The following CNTNAP2 variants were observed in gnomAD, a reference collection of about 807,000 sequenced individuals.
The protein encoded by CNTNAP2 is contactin associated protein 2.
In CNTNAP2, 98 loss-of-function variants were observed where a neutral mutation model predicts 155.2. The ratio of observed to expected loss-of-function variants is 0.63; its 90% CI spans 0.54 to 0.75. CNTNAP2 has a LOEUF of 0.75. Among genes scored for constraint, CNTNAP2 ranks in the 30% least tolerant of loss-of-function variants. CNTNAP2 has a pLI of 0.00. For missense variants in CNTNAP2, 1,727 were observed against 1,688.1 expected (o/e 1.02, Z -0.40); for synonymous variants, 651 against 631.2 (o/e 1.03, Z -0.47).
At chr7:147,904,186 G>C (rs77724319) in intron 14 of CNTNAP2, among the ~76,000 whole-genome samples, 1 of 152,096 alleles carries the variant, frequency 6.6e-6, no homozygotes, top group Non-Finnish European at 1.5e-5. Context: ...CAAAGAAACA[G>C]AAAAAATCAT....
In CNTNAP2 at chr7:148,200,641, A is replaced by T. The variant is rs554076505; in HGVS notation, c.3011-16647A>T. The stretch of plus-strand genomic sequence containing the variant: ...TACATAGGAATCATAGCCCTCTATG[A>T]TAACCTTCAAAATACACCTACGATG... On this transcript the variant is annotated intron_variant, in intron 18 of 23. Coordinates refer to ENST00000361727, the MANE Select transcript of CNTNAP2 (RefSeq NM_014141.6). Among the ~76,000 whole-genome samples, 56 of 152,320 alleles carry T rather than the reference A, an allele frequency of 3.7e-4. No individual in the cohort carries two copies. In the South Asian group the frequency reaches 0.011, roughly 30 times the overall value.
chr7:146,195,033 T>G (rs928228962), intron 1 of CNTNAP2: 1 of 152,248 alleles, frequency 6.6e-6, no homozygotes, highest in Non-Finnish European at 1.5e-5. Flanking sequence ...AACAAAATTA[T>G]GTAATTATTT....
chr7:146,821,820 A>T (rs6956849), intron 2 of CNTNAP2, among the ~76,000 whole-genome samples: 6 of 150,266 alleles, frequency 4.0e-5, no homozygotes. Context: ...AGTCAGGAAA[A>T]AACAGGTGCT....
intron 13 of CNTNAP2, among the ~76,000 whole-genome samples, chr7:147,776,127 G>A (rs2116546968): frequency 6.6e-6 from 1 of 152,192 alleles, no homozygotes; most frequent in South Asian, 2.1e-4. Flanking sequence ...AATATACAGA[G>A]GAAATCCTGT....
chr7:146,592,873 A>G (rs1476208598), intron 1 of CNTNAP2, among the ~76,000 whole-genome samples: 1 of 152,116 alleles, frequency 6.6e-6, no homozygotes, highest in Non-Finnish European at 1.5e-5. Flanking sequence ...CAGAACCGCT[A>G]CAGCTTGCAA....
At chr7:147,855,300 G>C (rs560139285) in intron 13 of CNTNAP2, among the ~76,000 whole-genome samples, 2 of 152,184 alleles carry the variant, frequency 1.3e-5, no homozygotes, top group South Asian at 4.2e-4. Context: ...TTGTGTCTCT[G>C]CATGACTTCT....
chr7:147,371,810 T>A (rs1017647298), intron 9 of CNTNAP2, among the ~76,000 whole-genome samples: 10 of 152,080 alleles, frequency 6.6e-5, no homozygotes, highest in Non-Finnish European at 1.2e-4. Flanking sequence ...TGTATGAGAG[T>A]GTGTGCATTT....
At chr7:147,251,961 T>A (rs115426276) in intron 8 of CNTNAP2, among the ~76,000 whole-genome samples, 2,172 of 151,968 alleles carry the variant, frequency 0.014, 54 homozygotes, top group African/African-American at 0.049. Context: ...GTTTGGGGAT[T>A]AATAAAAAAA....
intron 1 of CNTNAP2, among the ~76,000 whole-genome samples, chr7:146,502,650 C>G (rs1797322551): frequency 1.3e-5 from 2 of 152,070 alleles, no homozygotes; most frequent in African/African-American, 4.8e-5. Flanking sequence ...CCCTCTCTTT[C>G]ATCCAGGCTG....
chr7:146,173,138 A>T (rs184142200), intron 1 of CNTNAP2, among the ~76,000 whole-genome samples: 5 of 152,308 alleles, frequency 3.3e-5, no homozygotes, highest in African/African-American at 1.2e-4. Flanking sequence ...AGGATTTTTA[A>T]AAAAAACTGG....
chr7:148,217,549 T>C (rs754381958), intron 19 of CNTNAP2, 25 bp downstream of exon 19: 2 of 1,607,174 alleles, frequency 1.2e-6, no homozygotes, highest in Non-Finnish European at 1.7e-6. Flanking sequence ...ACCCAGCCTC[T>C]GCCATTTAAC....
chr7:146,862,307 G>T (rs1365856594), intron 3 of CNTNAP2, among the ~76,000 whole-genome samples: 1 of 152,024 alleles, frequency 6.6e-6, no homozygotes, highest in Non-Finnish European at 1.5e-5. Context: ...CATAAAAAGA[G>T]CTGTAGCATT....
intron 8 of CNTNAP2, among the ~76,000 whole-genome samples, chr7:147,148,821 T>C (rs771431976): frequency 6.6e-6 from 1 of 152,046 alleles, no homozygotes; most frequent in East Asian, 1.9e-4. Context: ...TTGCAGTGAG[T>C]GTTACAGCTC....
chr7:147,056,344 A>G (rs1000406501), intron 4 of CNTNAP2, among the ~76,000 whole-genome samples: 2 of 152,132 alleles, frequency 1.3e-5, no homozygotes, highest in Non-Finnish European at 2.9e-5. Flanking sequence ...GTAGCTTCCT[A>G]AACTTTGAAG....
intron 14 of CNTNAP2, among the ~76,000 whole-genome samples, chr7:147,947,834 A>C (rs1030881641): frequency 2.6e-5 from 4 of 152,156 alleles, no homozygotes; most frequent in African/African-American, 9.7e-5. Flanking sequence ...AGAACTCCTC[A>C]CAATGCAAAA....
intron 15 of CNTNAP2, among the ~76,000 whole-genome samples, chr7:148,080,477 C>T (rs891636164): frequency 2.6e-4 from 39 of 151,708 alleles, no homozygotes; most frequent in African/African-American, 8.0e-4. Flanking sequence ...GTGGTGGCGG[C>T]GCCTGTAGTC....
intron 13 of CNTNAP2, among the ~76,000 whole-genome samples, chr7:147,881,008 T>C (rs1799511161): frequency 6.6e-6 from 1 of 152,052 alleles, no homozygotes; most frequent in Non-Finnish European, 1.5e-5. Flanking sequence ...AACCCTACCA[T>C]AAGACCAGGA....
chr7:146,464,185 CTGT>C (rs375117086), intron 1 of CNTNAP2, among the ~76,000 whole-genome samples: 35,616 of 90,744 alleles, frequency 0.39, 4,380 homozygotes, highest in Admixed American at 0.54. Flanking sequence ...TCCTTTGAAA[CTGT>C]TTTTTTTTTT....
chr7:148,375,163 C>G (rs1334332652), intron 21 of CNTNAP2, among the ~76,000 whole-genome samples: 1 of 151,790 alleles, frequency 6.6e-6, no homozygotes, highest in Non-Finnish European at 1.5e-5. Flanking sequence ...TTTAAGGGAT[C>G]ATAAATTCTC....
Sources: allele counts gnomAD v4.1 joint callset (sites outside exome capture counted in the v4.1 genomes callset), GRCh38; gene constraint gnomAD v4.1.1; transcripts MANE v1.5; gene names NCBI Gene and HGNC (gene_info 2026-07-23, HGNC 2026-07-21).